WIPF3: variants seen among roughly 807,000 people sequenced by gnomAD.
WIPF3 encodes the protein WAS/WASL interacting protein family member 3.
WIPF3 carries 33 observed loss-of-function variants against 38.9 expected under a neutral mutation model. That is an observed-to-expected ratio of 0.85 (90% CI 0.64 to 1.14). WIPF3 has a LOEUF of 1.14. Among genes scored for constraint, WIPF3 ranks in the 50% most tolerant of loss-of-function variants. The pLI is 0.00. For missense variants in WIPF3, 711 were observed against 652.5 expected (o/e 1.09, Z -0.98); for synonymous variants, 324 against 269.3 (o/e 1.20, Z -1.99).
intron 1 of WIPF3, among the ~76,000 whole-genome samples, chr7:29,818,685 A>G (rs1332005326): frequency 6.6e-6 from 1 of 151,770 alleles, no homozygotes; most frequent in Non-Finnish European, 1.5e-5. Flanking sequence ...ACTATTATAC[A>G]ATTTAGTTCT....
chr7:29,837,830 C>T (rs1784834367), intron 2 of WIPF3, among the ~76,000 whole-genome samples: 1 of 152,200 alleles, frequency 6.6e-6, no homozygotes, highest in African/African-American at 2.4e-5. Flanking sequence ...AACCTCACTA[C>T]AGTTTAATAA....
chr7:29,878,876 T>A lies in WIPF3; in HGVS notation c.224-133T>A. The stretch of plus-strand genomic sequence containing the variant: ...TTGGGGAGGATGCTGAGTGAAAGGA[T>A]GACATTGGAGGTGGGAGAATGGGAA... On this transcript the variant is annotated intron_variant, in intron 3 of 8. Coordinates refer to ENST00000242140, the MANE Select transcript of WIPF3 (RefSeq NM_001080529.3). This position sits in a 1 kb window ranked among gnomAD's most constrained non-coding sequence, Gnocchi z 4.0. 3 of 1,041,676 alleles carry A rather than the reference T, an allele frequency of 2.9e-6. No homozygotes were observed. The highest frequency in any genetic ancestry group is 5.4e-5 in the East Asian group (2 of 37,298). The allele number at this position is 1,041,676 out of a possible 1,614,324, so 64.5% of individuals were successfully genotyped here.
At chr7:29,909,229 T>C (rs1287429720) in intron 8 of WIPF3, among the ~76,000 whole-genome samples, 2 of 151,238 alleles carry the variant, frequency 1.3e-5, no homozygotes, top group Non-Finnish European at 2.9e-5. Context: ...AATTTTACAA[T>C]GTAAAGAGCT....
At chr7:29,854,880 CAGCCATCTACA>C (rs1785164058) in intron 2 of WIPF3, among the ~76,000 whole-genome samples, 1 of 152,218 alleles carries the variant, frequency 6.6e-6, no homozygotes, top group African/African-American at 2.4e-5. Context: ...AGGGAAAAGA[CAGCCATCTACA>C]AGCCAAGGGG....
intron 7 of WIPF3, among the ~76,000 whole-genome samples, chr7:29,896,760 A>G (rs1011144378): frequency 2.0e-5 from 3 of 152,270 alleles, no homozygotes; most frequent in Non-Finnish European, 4.4e-5. Flanking sequence ...AACAATAAAA[A>G]GAAAGTGAAC....
intron 2 of WIPF3, among the ~76,000 whole-genome samples, chr7:29,839,145 G>T (rs1376361297): frequency 1.3e-5 from 2 of 152,138 alleles, no homozygotes; most frequent in Non-Finnish European, 2.9e-5. Context: ...GTGCTGGCAA[G>T]ACTCTAATTC....
At chr7:29,900,737 C>T in intron 7 of WIPF3, among the ~76,000 whole-genome samples, 1 of 152,244 alleles carries the variant, frequency 6.6e-6, no homozygotes, top group East Asian at 1.9e-4. Flanking sequence ...CCTTCCTGTA[C>T]AGCTAGAGAA....
chr7:29,839,619 G>A (rs1784883609), intron 2 of WIPF3, among the ~76,000 whole-genome samples: 1 of 152,162 alleles, frequency 6.6e-6, no homozygotes, highest in Non-Finnish European at 1.5e-5. Context: ...AACAGAGGCT[G>A]GCAAACCAGG....
intron 2 of WIPF3, among the ~76,000 whole-genome samples, chr7:29,872,905 G>C (rs1785525251): frequency 6.6e-6 from 1 of 150,686 alleles, no homozygotes. Flanking sequence ...CAGCTGAGAA[G>C]TCAGAGAGGG....
chr7:29,870,706 T>A (rs950539121), intron 2 of WIPF3, among the ~76,000 whole-genome samples: 13 of 152,306 alleles, frequency 8.5e-5, no homozygotes, highest in African/African-American at 2.4e-4. Context: ...GTGAATCAGC[T>A]CTGTGCTCCA....
At chr7:29,898,773 T>C (rs1468865475) in intron 7 of WIPF3, among the ~76,000 whole-genome samples, 1 of 152,202 alleles carries the variant, frequency 6.6e-6, no homozygotes, top group East Asian at 1.9e-4. Context: ...GTCTTTTCTC[T>C]CTTTATTTGA....
chr7:29,848,549 G>A (rs73303164), intron 2 of WIPF3, among the ~76,000 whole-genome samples: 2,126 of 152,234 alleles, frequency 0.014, 56 homozygotes, highest in African/African-American at 0.049. Context: ...CTGTGGGTTG[G>A]TCTTTCTCTA....
intron 2 of WIPF3, among the ~76,000 whole-genome samples, chr7:29,860,263 G>A (rs553881240): frequency 1.3e-5 from 2 of 152,144 alleles, no homozygotes; most frequent in South Asian, 4.2e-4. Context: ...CTATAGTTTG[G>A]ATACTTGTCT....
chr7:29,913,076 G>T (rs1786533598), intron 8 of WIPF3, among the ~76,000 whole-genome samples: 1 of 150,372 alleles, frequency 6.7e-6, no homozygotes, highest in Non-Finnish European at 1.5e-5. Flanking sequence ...GCTGGGTGTG[G>T]TGGCTCATGC....
chr7:29,838,529 T>C (rs1315096667), intron 2 of WIPF3, among the ~76,000 whole-genome samples: 1 of 152,192 alleles, frequency 6.6e-6, no homozygotes, highest in Non-Finnish European at 1.5e-5. Context: ...ATTTATTATA[T>C]ATCCTCTAAA....
chr7:29,875,999 A>G, intron 3 of WIPF3, 37 bp downstream of exon 3: 1 of 1,607,940 alleles, frequency 6.2e-7, no homozygotes, highest in South Asian at 1.1e-5. Flanking sequence ...CTGTGAGCCA[A>G]AGACAGGACA....
chr7:29,847,212 G>A (rs1004686413), intron 2 of WIPF3, among the ~76,000 whole-genome samples: 5 of 152,132 alleles, frequency 3.3e-5, no homozygotes, highest in South Asian at 2.1e-4. Flanking sequence ...TAAATAACCC[G>A]ATCTTGGACC....
chr7:29,856,756 TG>T (rs1370791429), intron 2 of WIPF3, among the ~76,000 whole-genome samples: 1 of 152,208 alleles, frequency 6.6e-6, no homozygotes, highest in Non-Finnish European at 1.5e-5. Flanking sequence ...TCATTGAAAA[TG>T]GGATGATACC....
intron 8 of WIPF3, among the ~76,000 whole-genome samples, chr7:29,913,320 G>A (rs1041685411): frequency 1.4e-5 from 2 of 145,990 alleles, no homozygotes; most frequent in Admixed American, 1.4e-4. Flanking sequence ...ACTCCAGCCT[G>A]GGCAACAAGA....
Sources: allele counts gnomAD v4.1 joint callset (sites outside exome capture counted in the v4.1 genomes callset), GRCh38; gene constraint gnomAD v4.1.1; non-coding constraint Gnocchi (gnomAD v3.1); transcripts MANE v1.5; gene names NCBI Gene and HGNC (gene_info 2026-07-23, HGNC 2026-07-21).